Variants in TCF4 observed in about 807,000 individuals in gnomAD.
TCF4 encodes transcription factor 4.
In TCF4, 3 loss-of-function variants were observed where a neutral mutation model predicts 82.1. That is an observed-to-expected ratio of 0.04 (90% CI 0.02 to 0.09). TCF4 has a LOEUF of 0.09. Ranked by LOEUF, TCF4 falls within the 10% of genes least tolerant of loss-of-function variation. The pLI, the probability that TCF4 is intolerant of heterozygous loss-of-function variation, is 1.00. For synonymous variants in TCF4, 276 were observed against 309.6 expected, an observed-to-expected ratio of 0.89 and a Z score of 1.14; for missense variants, 518 against 852.7, an observed-to-expected ratio of 0.61 and a Z score of 4.89.
intron 9 of TCF4, among the ~76,000 whole-genome samples, chr18:55,278,911 T>C (rs535380118): frequency 9.2e-5 from 14 of 152,190 alleles, no homozygotes; most frequent in Non-Finnish European, 2.1e-4. Flanking sequence ...ACGCTATCAG[T>C]AGCAAGACTA....
intron 5 of TCF4, among the ~76,000 whole-genome samples, chr18:55,428,434 A>G (rs898623046): frequency 1.3e-5 from 2 of 152,152 alleles, no homozygotes; most frequent in African/African-American, 2.4e-5. Flanking sequence ...CCACTCAGAC[A>G]TCTCTGATCT....
intron 3 of TCF4, among the ~76,000 whole-genome samples, chr18:55,521,994 G>A (rs2096937297): frequency 6.6e-6 from 1 of 152,182 alleles, no homozygotes; most frequent in South Asian, 2.1e-4. Context: ...AAACAGGGAA[G>A]CGGTTGGGTT....
chr18:55,531,089 G>A (rs1431573679), intron 3 of TCF4, among the ~76,000 whole-genome samples: 1 of 151,868 alleles, frequency 6.6e-6, no homozygotes, highest in African/African-American at 2.4e-5. Flanking sequence ...GTAGCTGGGA[G>A]TACAGGTGCC....
chr18:55,484,072 C>T (rs1383061586), intron 3 of TCF4, among the ~76,000 whole-genome samples: 2 of 152,186 alleles, frequency 1.3e-5, no homozygotes, highest in East Asian at 3.8e-4. Flanking sequence ...CCTATAATTT[C>T]TCCTTTCAAC....
At chr18:55,559,794 C>T (rs1282612857) in intron 3 of TCF4, among the ~76,000 whole-genome samples, 1 of 151,922 alleles carries the variant, frequency 6.6e-6, no homozygotes, top group Non-Finnish European at 1.5e-5. Context: ...GTAAATAAAC[C>T]TGCCTTACAA....
intron 3 of TCF4, among the ~76,000 whole-genome samples, chr18:55,486,261 A>T (rs1268138575): frequency 2.0e-5 from 3 of 152,178 alleles, no homozygotes; most frequent in Non-Finnish European, 4.4e-5. Flanking sequence ...TGAAAAGGAG[A>T]CGGAAGTTTC....
chr18:55,241,384 C>T (rs1308564646), intron 15 of TCF4, among the ~76,000 whole-genome samples: 1 of 152,226 alleles, frequency 6.6e-6, no homozygotes, highest in Non-Finnish European at 1.5e-5. Context: ...CTTCCTTGCT[C>T]CACATAGCAG....
intron 5 of TCF4, among the ~76,000 whole-genome samples, chr18:55,437,318 T>C (rs975491308): frequency 2.6e-5 from 4 of 152,236 alleles, no homozygotes; most frequent in South Asian, 2.1e-4. Context: ...AACATTATTA[T>C]AGAAGCAAAT....
intron 15 of TCF4, among the ~76,000 whole-genome samples, chr18:55,238,084 T>C (rs941598686): frequency 1.3e-5 from 2 of 152,242 alleles, no homozygotes; most frequent in Non-Finnish European, 2.9e-5. Flanking sequence ...ATTCTGAACT[T>C]AAATACGTCA....
At chr18:55,445,747 C>T (rs1456018970) in intron 5 of TCF4, among the ~76,000 whole-genome samples, 3 of 152,174 alleles carry the variant, frequency 2.0e-5, no homozygotes, top group South Asian at 2.1e-4. Context: ...ATTCCTATTA[C>T]GTCTTCCAGC....
chr18:55,627,036 C>G (rs1000329447), intron 2 of TCF4, among the ~76,000 whole-genome samples: 1 of 152,160 alleles, frequency 6.6e-6, no homozygotes, highest in African/African-American at 2.4e-5. Context: ...GATGTGATTA[C>G]AGTGTGAAGG....
At chr18:55,333,859 A>T (rs1301928773) in intron 8 of TCF4, among the ~76,000 whole-genome samples, 1 of 152,216 alleles carries the variant, frequency 6.6e-6, no homozygotes, top group East Asian at 1.9e-4. Context: ...AAGTAGTTTC[A>T]ATGAACCAAG....
rs991054515 is a variant in TCF4 at position 55,290,391 on chromosome 18, A to C, written c.550-10735T>G. ...TTCCACAGTCACAAACCCACTTTTC[A>C]TCACATCTCCAATCACTCCCTGTCT... On this transcript the variant is annotated intron_variant, in intron 8 of 19. Transcript: ENST00000354452. Among the ~76,000 whole-genome samples, 3 of 152,158 alleles carry C rather than the reference A, an allele frequency of 2.0e-5. No homozygotes were observed. The South Asian group carries it at 6.2e-4, about 31-fold the overall frequency.
chr18:55,310,119 C>T (rs1406729312), intron 8 of TCF4, among the ~76,000 whole-genome samples: 2 of 152,164 alleles, frequency 1.3e-5, no homozygotes, highest in African/African-American at 4.8e-5. Flanking sequence ...TAGATGGTTA[C>T]AGATGTGATG....
At chr18:55,620,446 A>G (rs1033708973) in intron 2 of TCF4, among the ~76,000 whole-genome samples, 1 of 152,172 alleles carries the variant, frequency 6.6e-6, no homozygotes, top group African/African-American at 2.4e-5. Context: ...GTCTTGTGAG[A>G]GTACTGAGTA....
intron 5 of TCF4, among the ~76,000 whole-genome samples, chr18:55,451,764 A>G (rs1295302466): frequency 6.6e-6 from 1 of 152,196 alleles, no homozygotes; most frequent in Non-Finnish European, 1.5e-5. Context: ...GTCCAGAAGT[A>G]GGGTACTGGT....
intron 2 of TCF4, among the ~76,000 whole-genome samples, chr18:55,623,674 T>C (rs2147991818): frequency 6.6e-6 from 1 of 152,276 alleles, no homozygotes; most frequent in East Asian, 1.9e-4. Flanking sequence ...GAATCCATCA[T>C]TTTCTTTAAC....
At chr18:55,581,216 TGAGA>T (rs1390577223) in intron 3 of TCF4, among the ~76,000 whole-genome samples, 1 of 152,012 alleles carries the variant, frequency 6.6e-6, no homozygotes, top group African/African-American at 2.4e-5. Flanking sequence ...AAGACAGCAG[TGAGA>T]CCAAGGTTAT....
intron 3 of TCF4, among the ~76,000 whole-genome samples, chr18:55,555,619 G>T (rs1284563960): frequency 6.6e-6 from 1 of 152,114 alleles, no homozygotes; most frequent in Non-Finnish European, 1.5e-5. Flanking sequence ...TATGCATATT[G>T]TGTGCGTTCT....
Sources: gnomAD v4.1 joint callset for allele counts (sites outside exome capture counted in the v4.1 genomes callset) on GRCh38, gnomAD v4.1.1 for gene constraint, MANE v1.5 for transcripts, NCBI Gene and HGNC (gene_info 2026-07-23, HGNC 2026-07-21) for gene names.